Variants in SRBD1 observed in about 807,000 individuals in gnomAD.
The protein encoded by SRBD1 is S1 RNA binding domain 1, also known as S1 RNA-binding domain-containing protein 1.
SRBD1 carries 88 observed loss-of-function variants against 115.3 expected under a neutral mutation model. That is an observed-to-expected ratio of 0.76 (90% confidence interval 0.64 to 0.91). The LOEUF is 0.91. SRBD1 is among the 40% of genes least tolerant of loss of function. The pLI is 0.00. For synonymous variants in SRBD1, 509 were observed against 407.7 expected (o/e 1.25, Z -2.99); for missense variants, 1,385 against 1,177.4 (o/e 1.18, Z -2.58).
chr2:45,490,729 T>C (rs149659399), intron 14 of SRBD1, among the ~76,000 whole-genome samples: 274 of 152,224 alleles, frequency 1.8e-3, no homozygotes, highest in Non-Finnish European at 3.0e-3. Context: ...TAATTTTCAA[T>C]AGACTGAGGG....
At chr2:45,464,708 A>G (rs532402191) in intron 16 of SRBD1, among the ~76,000 whole-genome samples, 1 of 152,318 alleles carries the variant, frequency 6.6e-6, no homozygotes, top group Admixed American at 6.5e-5. Flanking sequence ...ACACAGGTAT[A>G]AAACACTGAG....
chr2:45,442,592 T>C (rs1320596740), intron 16 of SRBD1, among the ~76,000 whole-genome samples: 2 of 152,192 alleles, frequency 1.3e-5, no homozygotes, highest in African/African-American at 4.8e-5. Flanking sequence ...GAGAGAATCC[T>C]ACGGTATAGG....
chr2:45,418,076 C>T (rs1436551212), intron 18 of SRBD1, among the ~76,000 whole-genome samples: 1 of 152,156 alleles, frequency 6.6e-6, no homozygotes, highest in Non-Finnish European at 1.5e-5. Flanking sequence ...TGTCACATAT[C>T]CCTGCTTTAA....
rs148117378 is a variant in SRBD1, at chr2:45,606,004, C to T, written c.1-563G>A. On this transcript the variant is annotated intron_variant, in intron 1 of 20. Transcript: ENST00000263736. ...ATCTTTTAAAAAATATAAACTCCTA[C>T]AGGGTGACACCTGTAGGAAAACTGT... Among the ~76,000 whole-genome samples the T allele has an allele frequency of 2.4e-3, 363 of 151,582 alleles. 1 individual carries two copies. Among genetic ancestry groups the T allele is most frequent in the Middle Eastern group, 6.9e-3 (2 of 288 alleles).
At chr2:45,564,284 A>C (rs1000095355) in intron 9 of SRBD1, among the ~76,000 whole-genome samples, 1 of 152,192 alleles carries the variant, frequency 6.6e-6, no homozygotes, top group Non-Finnish European at 1.5e-5. Flanking sequence ...TGGAAATATA[A>C]GGAAAGTTCT....
chr2:45,479,645 C>T (rs1669902963), intron 15 of SRBD1, among the ~76,000 whole-genome samples: 1 of 152,192 alleles, frequency 6.6e-6, no homozygotes, highest in Admixed American at 6.5e-5. Flanking sequence ...GGAAAGAAGC[C>T]ATCTTCCTAA....
intron 10 of SRBD1, among the ~76,000 whole-genome samples, chr2:45,559,178 A>T (rs931894395): frequency 5.9e-5 from 9 of 152,066 alleles, no homozygotes; most frequent in Admixed American, 4.6e-4. Context: ...TCTACTCTTG[A>T]TTCCTTCCAA....
At chr2:45,458,954 T>G (rs1019399545) in intron 16 of SRBD1, among the ~76,000 whole-genome samples, 3 of 152,122 alleles carry the variant, frequency 2.0e-5, no homozygotes, top group Non-Finnish European at 2.9e-5. Flanking sequence ...GGTAATTACA[T>G]GATGAGAAAC....
At chr2:45,468,947 A>C (rs1669570922) in intron 16 of SRBD1, among the ~76,000 whole-genome samples, 1 of 152,126 alleles carries the variant, frequency 6.6e-6, no homozygotes, top group African/African-American at 2.4e-5. Context: ...TTTAGCATGC[A>C]TTTCCTCCAT....
chr2:45,490,250 C>G lies in SRBD1; in HGVS notation c.1875-1919G>C, dbSNP rs556953729. Among the ~76,000 whole-genome samples, 44 of 152,192 alleles carry G rather than the reference C, an allele frequency of 2.9e-4. No homozygotes were observed. In the South Asian group the frequency reaches 8.5e-3, roughly 29 times the overall value. On this transcript the variant is annotated intron_variant, in intron 14 of 20. Coordinates refer to ENST00000263736, the MANE Select transcript of SRBD1 (RefSeq NM_018079.5). ...GATTTTTTCAGTTCCATTATAGTGG[C>G]ATTTCCTAACCAGGGGCCCTTGGAC...
chr2:45,577,121 C>A (rs529487561), intron 7 of SRBD1, among the ~76,000 whole-genome samples: 5 of 152,294 alleles, frequency 3.3e-5, no homozygotes, highest in African/African-American at 1.2e-4. Context: ...TAGGGAAATG[C>A]CTTGAGCTAC....
chr2:45,584,373 G>C (rs536607586), intron 5 of SRBD1, among the ~76,000 whole-genome samples: 67 of 152,230 alleles, frequency 4.4e-4, no homozygotes, highest in African/African-American at 1.6e-3. Flanking sequence ...GAGACTATTT[G>C]ATTTAGTCAT....
intron 4 of SRBD1, among the ~76,000 whole-genome samples, chr2:45,595,832 A>C (rs1377927537): frequency 1.3e-5 from 2 of 152,230 alleles, no homozygotes; most frequent in African/African-American, 2.4e-5. Context: ...ATAGTTTCCC[A>C]GGCAATTTCC....
At chr2:45,485,870 C>T (rs1670104371) in intron 15 of SRBD1, among the ~76,000 whole-genome samples, 1 of 152,140 alleles carries the variant, frequency 6.6e-6, no homozygotes, top group Non-Finnish European at 1.5e-5. Context: ...AAAGTGGACT[C>T]TGGAAAACCA....
chr2:45,457,336 C>G (rs1273716821), intron 16 of SRBD1, among the ~76,000 whole-genome samples: 1 of 151,902 alleles, frequency 6.6e-6, no homozygotes, highest in Non-Finnish European at 1.5e-5. Context: ...TGACACCCAA[C>G]TACTAAAGTG....
At chr2:45,507,396 TCA>T (rs1670829720) in intron 14 of SRBD1, among the ~76,000 whole-genome samples, 1 of 152,098 alleles carries the variant, frequency 6.6e-6, no homozygotes, top group South Asian at 2.1e-4. Context: ...CTTATCAAAA[TCA>T]CAGAACATTC....
chr2:45,587,876 A>C (rs960283143), intron 4 of SRBD1, among the ~76,000 whole-genome samples: 1 of 152,134 alleles, frequency 6.6e-6, no homozygotes, highest in African/African-American at 2.4e-5. Flanking sequence ...TTCCAAAGTT[A>C]TCTTCTTCTC....
intron 4 of SRBD1, among the ~76,000 whole-genome samples, chr2:45,586,964 A>G (rs1483234986): frequency 6.9e-6 from 1 of 145,218 alleles, no homozygotes; most frequent in South Asian, 2.2e-4. Context: ...ATTTTAAATT[A>G]TAAATATTAA....
intron 2 of SRBD1, among the ~76,000 whole-genome samples, chr2:45,603,718 C>T (rs1332041908): frequency 6.6e-6 from 1 of 151,858 alleles, no homozygotes; most frequent in Non-Finnish European, 1.5e-5. Flanking sequence ...TTAGTAGAGC[C>T]GGGTTTCACT....
Sources: allele counts gnomAD v4.1 joint callset (sites outside exome capture counted in the v4.1 genomes callset), GRCh38; gene constraint gnomAD v4.1.1; transcripts MANE v1.5; gene names NCBI Gene and HGNC (gene_info 2026-07-23, HGNC 2026-07-21).